STPG4: variants seen among roughly 807,000 people sequenced by gnomAD.
The protein encoded by STPG4 is protein STPG4.
Under a neutral mutation model 31.5 loss-of-function variants are expected in STPG4, and 41 were observed. The ratio of observed to expected loss-of-function variants is 1.30; its 90% confidence interval spans 1.01 to 1.69. The LOEUF is 1.69. Among genes scored for constraint, STPG4 ranks in the 40% most tolerant of loss-of-function variants. STPG4 has a pLI of 0.00. For synonymous variants in STPG4, 141 were observed against 103.0 expected (o/e 1.37, Z -2.24); for missense variants, 375 against 293.4 (o/e 1.28, Z -2.03).
At chr2:47,104,684 C>T (rs1685867943) in intron 5 of STPG4, among the ~76,000 whole-genome samples, 1 of 151,956 alleles carries the variant, frequency 6.6e-6, no homozygotes, top group South Asian at 2.1e-4. Flanking sequence ...GGCCACTTCT[C>T]AAGTCCAGGC....
Position 47,146,157 on chromosome 2 carries a change from C to T in STPG4, c.399+5101G>A, listed in dbSNP as rs115485555. On this transcript the variant is annotated intron_variant, in intron 3 of 6. Transcript: ENST00000445927. ...AGAATGAAGCCAGTTCACAATATCC[C>T]TGCTGGCCTTGAGAAAAGCCACTCA... Among the ~76,000 whole-genome samples the T allele has an allele frequency of 4.6e-3, 707 of 152,310 alleles. 4 individuals are homozygous for T. Among genetic ancestry groups the T allele is most frequent in the African/African-American group, 0.016 (666 of 41,570 alleles).
Position 47,102,541 on chromosome 2 carries a change from C to T in STPG4, c.520-12167G>A, listed in dbSNP as rs777581413. On this transcript the variant is annotated intron_variant, in intron 5 of 6. Transcript: ENST00000445927. ...CAAATGGAGTGAAATACCTTATGTCCGAGCTTTCTTTTCATTGAGAGAGAA... is the reference window on the plus strand; with the variant it reads ...CAAATGGAGTGAAATACCTTATGTCTGAGCTTTCTTTTCATTGAGAGAGAA... 1.4e-4 allele frequency among the ~76,000 whole-genome samples: 21 copies of T among 151,758 alleles called. 1 individual carries two copies. Among genetic ancestry groups the T allele is most frequent in the Admixed American group, 3.9e-4 (6 of 15,260 alleles).
At chr2:47,140,934 G>A (rs966163630) in intron 3 of STPG4, among the ~76,000 whole-genome samples, 4 of 151,098 alleles carry the variant, frequency 2.6e-5, no homozygotes, top group Admixed American at 6.6e-5. Flanking sequence ...TCACTCTATC[G>A]GGGAGGCGGT....
At chr2:47,101,436 C>T (rs1416577393) in intron 5 of STPG4, among the ~76,000 whole-genome samples, 1 of 151,754 alleles carries the variant, frequency 6.6e-6, no homozygotes, top group African/African-American at 2.4e-5. Flanking sequence ...ACTCACCCAT[C>T]TATCCTATCT....
intron 3 of STPG4, among the ~76,000 whole-genome samples, chr2:47,131,354 T>C (rs1371546417): frequency 6.6e-6 from 1 of 152,166 alleles, no homozygotes; most frequent in African/African-American, 2.4e-5. Flanking sequence ...CTCAAACACC[T>C]GAGCTCAAGC....
intron 5 of STPG4, among the ~76,000 whole-genome samples, chr2:47,116,355 G>GA (rs1350735898): frequency 6.6e-6 from 1 of 152,186 alleles, no homozygotes; most frequent in Non-Finnish European, 1.5e-5. Context: ...AACATTCATT[G>GA]TTGTAGAGTT....
At chr2:47,110,074 G>A (rs1287231783) in intron 5 of STPG4, among the ~76,000 whole-genome samples, 1 of 151,174 alleles carries the variant, frequency 6.6e-6, no homozygotes, top group Non-Finnish European at 1.5e-5. Flanking sequence ...CCACTATCAG[G>A]AAAGATGTGT....
At chr2:47,127,805 CA>C (rs1453319687) in intron 5 of STPG4, among the ~76,000 whole-genome samples, 1 of 152,154 alleles carries the variant, frequency 6.6e-6, no homozygotes, top group Non-Finnish European at 1.5e-5. Flanking sequence ...TGAAAGGTCA[CA>C]TATCTGTGTC....
chr2:47,123,165 T>C (rs945104369), intron 5 of STPG4, among the ~76,000 whole-genome samples: 4 of 152,186 alleles, frequency 2.6e-5, no homozygotes, highest in African/African-American at 9.6e-5. Flanking sequence ...ATTTATATAA[T>C]TATTTATTTT....
chr2:47,139,422 A>G (rs1341995748), intron 3 of STPG4, among the ~76,000 whole-genome samples: 4 of 108,552 alleles, frequency 3.7e-5, no homozygotes, highest in Non-Finnish European at 8.4e-5. Flanking sequence ...TTTTTTTTCA[A>G]TTTGAGAGCA....
intron 5 of STPG4, among the ~76,000 whole-genome samples, chr2:47,117,221 T>G (rs1686170625): frequency 6.6e-6 from 1 of 152,194 alleles, no homozygotes; most frequent in Non-Finnish European, 1.5e-5. Context: ...TTGTTTTTGT[T>G]TTTTTGAGAA....
In STPG4 at chr2:47,151,496, G is replaced by A. The variant is rs1235705922; in HGVS notation, c.161C>T (p.Thr54Ile). The part of the protein sequence containing the change: ...IALTDTPIPG[T>I]YHLKTFIEES... Reference sequence around the variant, plus strand: ...TTCAATAAAAGTTTTCAAGTGGTAAGTGCCAGGTATAGGAGTATCCTGTGG... The same window carrying A: ...TTCAATAAAAGTTTTCAAGTGGTAAATGCCAGGTATAGGAGTATCCTGTGG... Residue 54 changes from threonine to isoleucine, a missense_variant, in exon 3 of 7, where the codon ACT (threonine) becomes ATT (isoleucine). Transcript: ENST00000445927. 1.9e-6 allele frequency: 3 copies of A among 1,613,946 alleles called. No homozygotes were observed. Among genetic ancestry groups the A allele is most frequent in the Non-Finnish European group, 2.5e-6 (3 of 1,179,840 alleles).
chr2:47,120,517 A>T (rs1686246372), intron 5 of STPG4, among the ~76,000 whole-genome samples: 1 of 152,012 alleles, frequency 6.6e-6, no homozygotes, highest in African/African-American at 2.4e-5. Flanking sequence ...CAGTGAGCTG[A>T]GATCACGCCA....
At chr2:47,096,249 T>C (rs1400779035) in intron 5 of STPG4, among the ~76,000 whole-genome samples, 2 of 152,114 alleles carry the variant, frequency 1.3e-5, no homozygotes, top group Admixed American at 1.3e-4. Context: ...CAAAGGGATG[T>C]ATAGGATGCT....
intron 3 of STPG4, among the ~76,000 whole-genome samples, chr2:47,145,147 A>T (rs573151299): frequency 6.6e-6 from 1 of 152,340 alleles, no homozygotes; most frequent in African/African-American, 2.4e-5. Context: ...TGTCTAGAGA[A>T]TGTTTGCTGG....
intron 5 of STPG4, among the ~76,000 whole-genome samples, chr2:47,121,810 T>G (rs1219392437): frequency 6.6e-6 from 1 of 151,896 alleles, no homozygotes; most frequent in Non-Finnish European, 1.5e-5. Flanking sequence ...GCTGCACCAC[T>G]GTAATCTTTG....
intron 5 of STPG4, among the ~76,000 whole-genome samples, chr2:47,122,165 T>A (rs1263813315): frequency 2.6e-5 from 4 of 152,218 alleles, no homozygotes; most frequent in African/African-American, 9.6e-5. Context: ...TCTATTTATG[T>A]CCTTTATCTG....
At chr2:47,113,222 C>T (rs754283381) in intron 5 of STPG4, among the ~76,000 whole-genome samples, 17 of 152,058 alleles carry the variant, frequency 1.1e-4, no homozygotes, top group Non-Finnish European at 2.4e-4. Flanking sequence ...AAGATGATGA[C>T]GAACTACCTC....
In STPG4 at chr2:47,116,631, G is replaced by A. The variant is rs373839726; in HGVS notation, c.519+13310C>T. Among the ~76,000 whole-genome samples the A allele has an allele frequency of 4.6e-5, 7 of 152,164 alleles. No homozygotes were observed. The East Asian group carries it at 5.8e-4, about 13-fold the overall frequency. ...TGTCTCACATTTCTCCCTCTTTTCG[G>A]TTCCTTTTCTTTCTCTCAGATACCC... On this transcript the variant is annotated intron_variant, in intron 5 of 6. Coordinates refer to ENST00000445927, the MANE Select transcript of STPG4 (RefSeq NM_001163561.2).
Sources: allele counts gnomAD v4.1 joint callset (sites outside exome capture counted in the v4.1 genomes callset), GRCh38; gene constraint gnomAD v4.1.1; transcripts MANE v1.5; gene names NCBI Gene and HGNC (gene_info 2026-07-23, HGNC 2026-07-21).